Variants in CLEC16A observed in about 807,000 individuals in gnomAD.
CLEC16A encodes C-type lectin domain containing 16A.
A neutral mutation model predicts 109.5 loss-of-function variants in CLEC16A; 51 were observed. That is an observed-to-expected ratio of 0.47 (90% CI 0.37 to 0.59). CLEC16A has a LOEUF of 0.59. Among genes scored for constraint, CLEC16A ranks in the 20% least tolerant of loss-of-function variants. The pLI is 0.00. For missense variants in CLEC16A, 1,339 were observed against 1,394.0 expected, an observed-to-expected ratio of 0.96 and a Z score of 0.63; for synonymous variants, 673 against 564.2, an observed-to-expected ratio of 1.19 and a Z score of -2.73.
chr16:11,067,229 C>T, intron 19 of CLEC16A, among the ~76,000 whole-genome samples: 1 of 131,106 alleles, frequency 7.6e-6, no homozygotes, highest in Non-Finnish European at 1.6e-5. Flanking sequence ...CAAGTGCAGA[C>T]CAATTACTCT....
intron 19 of CLEC16A, among the ~76,000 whole-genome samples, chr16:11,097,549 C>T (rs904113281): frequency 6.6e-6 from 1 of 152,158 alleles, no homozygotes; most frequent in African/African-American, 2.4e-5. Flanking sequence ...GCAAGGAGCA[C>T]CGACACAGAA....
chr16:11,007,991 C>G (rs77658639), intron 11 of CLEC16A, among the ~76,000 whole-genome samples: 120 of 152,012 alleles, frequency 7.9e-4, no homozygotes, highest in Non-Finnish European at 9.9e-4. Flanking sequence ...AAACAGTTCT[C>G]AACTCAATCT....
At chr16:11,048,586 G>A (rs1019080290) in intron 17 of CLEC16A, 2 of 152,148 alleles carry the variant, frequency 1.3e-5, no homozygotes, top group African/African-American at 2.4e-5. Flanking sequence ...GGGACAGCTG[G>A]GCCCTCACCA....
intron 19 of CLEC16A, among the ~76,000 whole-genome samples, chr16:11,069,069 A>G (rs34143079): frequency 0.12 from 18,752 of 151,390 alleles, 1,179 homozygotes; most frequent in African/African-American, 0.15. Flanking sequence ...CTGGCCTCAA[A>G]TAGTCCGCCT....
At chr16:11,110,420 C>T (rs1388214063) in intron 19 of CLEC16A, among the ~76,000 whole-genome samples, 1 of 152,180 alleles carries the variant, frequency 6.6e-6, no homozygotes, top group Non-Finnish European at 1.5e-5. Flanking sequence ...CAGGGGAGGC[C>T]TCACTGCAGA....
chr16:10,957,053 T>G (rs1256269922), intron 1 of CLEC16A, among the ~76,000 whole-genome samples: 1 of 152,178 alleles, frequency 6.6e-6, no homozygotes, highest in Non-Finnish European at 1.5e-5. Context: ...CACCTTGGCC[T>G]CCCAAAGTGC....
chr16:11,056,499 T>G (rs1456329794), intron 18 of CLEC16A: 2 of 152,226 alleles, frequency 1.3e-5, no homozygotes, highest in Admixed American at 6.5e-5. Context: ...GATTTTTTGG[T>G]GAATATCAAA....
chr16:11,051,427 G>A, intron 17 of CLEC16A, 86 bp from the exon 18 acceptor site: 2 of 1,393,450 alleles, frequency 1.4e-6, no homozygotes, highest in African/African-American at 1.4e-5. Context: ...GCGGTTGAAG[G>A]CGAGGGGCCT....
chr16:11,096,160 T>C lies in CLEC16A; in HGVS notation c.2117-24455T>C, dbSNP rs1043655574. On this transcript the variant is annotated intron_variant, in intron 19 of 23. Coordinates refer to ENST00000409790, the MANE Select transcript of CLEC16A (RefSeq NM_015226.3). ...GAGTTGGAGACCAGACTGGGCAACA[T>C]AGCAAGACCCCATCTCTAAAAAAAA... Among the ~76,000 whole-genome samples the C allele has an allele frequency of 2.7e-5, 4 of 147,276 alleles. No individual in the cohort carries two copies. The East Asian group carries it at 5.9e-4, about 22-fold the overall frequency.
intron 18 of CLEC16A, among the ~76,000 whole-genome samples, chr16:11,055,805 T>C (rs184038863): frequency 2.1e-3 from 321 of 151,904 alleles, no homozygotes; most frequent in African/African-American, 7.1e-3. Flanking sequence ...GCCAGGCTGC[T>C]CCCAAACTCC....
At chr16:11,141,897 G>C (rs1326564517) in intron 22 of CLEC16A, among the ~76,000 whole-genome samples, 2 of 152,218 alleles carry the variant, frequency 1.3e-5, no homozygotes, top group African/African-American at 4.8e-5. Flanking sequence ...AGGTGGGAGA[G>C]GCTTGAGAGG....
chr16:11,120,270 C>G (rs1467311338), intron 19 of CLEC16A, among the ~76,000 whole-genome samples: 1 of 152,264 alleles, frequency 6.6e-6, no homozygotes, highest in Non-Finnish European at 1.5e-5. Context: ...GGCACCCAGC[C>G]ATGCTGGTTG....
Position 10,962,502 on chromosome 16 carries a change from G to T in CLEC16A, c.257G>T (p.Arg86Leu). The change falls in exon 3 of 24, where the codon CGG becomes CTG. Residue 86 changes from arginine to leucine, a missense_variant. Coordinates refer to ENST00000409790, the MANE Select transcript of CLEC16A (RefSeq NM_015226.3). ...TTTGTTTTCTTCTTGAACATCTTGCGGCAAAAGTCGGGCCGTTACGTGTGC... is the reference window on the plus strand; with the variant it reads ...TTTGTTTTCTTCTTGAACATCTTGCTGCAAAAGTCGGGCCGTTACGTGTGC... ...NMFVFFLNIL[R>L]QKSGRYVCVQ... 2.5e-6 allele frequency: 4 copies of T among 1,613,888 alleles called. No individual in the cohort carries two copies. Among genetic ancestry groups the T allele is most frequent in the Non-Finnish European group, 3.4e-6 (4 of 1,179,864 alleles).
chr16:11,066,065 G>T (rs1225155154), intron 19 of CLEC16A, among the ~76,000 whole-genome samples: 2 of 152,160 alleles, frequency 1.3e-5, no homozygotes, highest in Non-Finnish European at 2.9e-5. Flanking sequence ...GGGCCAGACT[G>T]TGCCTGGATG....
chr16:11,149,238 T>C (rs541686627), intron 22 of CLEC16A, among the ~76,000 whole-genome samples: 17 of 152,230 alleles, frequency 1.1e-4, no homozygotes, highest in African/African-American at 3.8e-4. Context: ...GCCCTGGGGA[T>C]GAGCTGATAA....
chr16:11,050,432 T>C (rs1233177345), intron 17 of CLEC16A, among the ~76,000 whole-genome samples: 1 of 152,218 alleles, frequency 6.6e-6, no homozygotes, highest in Non-Finnish European at 1.5e-5. Context: ...GAAAGTGGTA[T>C]GTTTGAAGCC....
chr16:10,971,353 C>A, intron 5 of CLEC16A, 123 bp downstream of exon 5: 2 of 812,550 alleles, frequency 2.5e-6, no homozygotes, highest in Non-Finnish European at 3.8e-6. Context: ...TGAGCCGTGG[C>A]AGCTTCTCTC....
At chr16:11,016,471 C>T (rs963517038) in intron 11 of CLEC16A, among the ~76,000 whole-genome samples, 7 of 151,950 alleles carry the variant, frequency 4.6e-5, no homozygotes, top group African/African-American at 1.7e-4. Context: ...GCCTCAGCCT[C>T]CCCAGTAGTT....
At chr16:10,986,585 C>G (rs566118825) in intron 10 of CLEC16A, among the ~76,000 whole-genome samples, 2 of 152,298 alleles carry the variant, frequency 1.3e-5, no homozygotes, top group African/African-American at 4.8e-5. Flanking sequence ...ATTCTCCTCT[C>G]TGCATGAGTT....
Sources: gnomAD v4.1 joint callset for allele counts (sites outside exome capture counted in the v4.1 genomes callset) on GRCh38, gnomAD v4.1.1 for gene constraint, MANE v1.5 for transcripts, NCBI Gene and HGNC (gene_info 2026-07-23, HGNC 2026-07-21) for gene names.